Variants in CHSY3 observed in about 807,000 individuals in gnomAD.
CHSY3 encodes N-acetylgalactosaminyl-proteoglycan 3-beta-glucuronosyltransferase 3.
Under a neutral mutation model 67.2 loss-of-function variants are expected in CHSY3, and 35 were observed. That is an observed-to-expected ratio of 0.52 (90% CI 0.40 to 0.69). CHSY3 has a LOEUF of 0.69. Among genes scored for constraint, CHSY3 ranks in the 30% least tolerant of loss-of-function variants. CHSY3 has a pLI of 0.00. For synonymous variants in CHSY3, 474 were observed against 434.7 expected (o/e 1.09, Z -1.12); for missense variants, 1,069 against 1,138.5 (o/e 0.94, Z 0.88).
At chr5:130,183,882 TA>T (rs1370156217) in intron 2 of CHSY3, among the ~76,000 whole-genome samples, 2 of 151,818 alleles carry the variant, frequency 1.3e-5, no homozygotes, top group Non-Finnish European at 2.9e-5. Context: ...TTTAAAATGC[TA>T]AAAAAAGATG....
At chr5:130,034,275 C>T (rs577343545) in intron 2 of CHSY3, among the ~76,000 whole-genome samples, 1 of 151,916 alleles carries the variant, frequency 6.6e-6, no homozygotes, top group Middle Eastern at 3.4e-3. Flanking sequence ...TTCTAATAGG[C>T]TTTTAGCTAT....
At position 130,186,170 on chromosome 5, in the gene CHSY3, A is replaced by G. The variant is rs369922143; in HGVS notation, c.*379A>G. The G allele has an allele frequency of 1.3e-5, 2 of 153,404 alleles. No individual in the cohort carries two copies. The highest frequency in any genetic ancestry group is 6.5e-5 in the Admixed American group (1 of 15,290). The allele number at this position is 153,404 out of a possible 1,614,324, so 9.5% of individuals were successfully genotyped here. A position where few individuals can be genotyped will look rare whatever the true frequency, so the allele number is the denominator to read the frequency against. On this transcript the variant is annotated 3_prime_UTR_variant, in exon 3 of 3. Transcript: ENST00000305031. ...ACTTTTATTTGGTTTCTCAAATTCA[A>G]TGTGATACAAATATTTACTGGTGAA... is the stretch of plus-strand genomic sequence containing the variant.
chr5:130,054,022 A>G (rs1765450576), intron 2 of CHSY3, among the ~76,000 whole-genome samples: 1 of 152,110 alleles, frequency 6.6e-6, no homozygotes, highest in Admixed American at 6.5e-5. Context: ...CTTGCTTTAC[A>G]TGTCCTTATG....
At position 130,005,537 on chromosome 5, in the gene CHSY3, A is replaced by G. The variant is rs968492953; in HGVS notation, c.1086+97177A>G. Among the ~76,000 whole-genome samples, 3 of 152,158 alleles carry G rather than the reference A, an allele frequency of 2.0e-5. 1 individual carries two copies. Among genetic ancestry groups the G allele is most frequent in the African/African-American group, 7.2e-5 (3 of 41,448 alleles). On this transcript the variant is annotated intron_variant, in intron 2 of 2. Transcript: ENST00000305031. ...ATGACTCAATACAATACTGAGTTTC[A>G]GCTTAAGTTTATTTTAATAGTCTGA... is the stretch of plus-strand genomic sequence containing the variant.
intron 2 of CHSY3, among the ~76,000 whole-genome samples, chr5:130,099,033 A>T (rs900992359): frequency 6.6e-6 from 1 of 152,206 alleles, no homozygotes; most frequent in African/African-American, 2.4e-5. Flanking sequence ...AAGCATGCAG[A>T]TCCCAAAAGC....
At chr5:130,021,876 G>A (rs747470495) in intron 2 of CHSY3, among the ~76,000 whole-genome samples, 16 of 152,074 alleles carry the variant, frequency 1.1e-4, no homozygotes, top group Non-Finnish European at 2.2e-4. Flanking sequence ...AAAGGAGATA[G>A]TCATCATTTC....
At chr5:129,969,627 T>G (rs887013290) in intron 2 of CHSY3, among the ~76,000 whole-genome samples, 1 of 151,818 alleles carries the variant, frequency 6.6e-6, no homozygotes, top group African/African-American at 2.4e-5. Context: ...AAAGGATATG[T>G]GTGTAATTTC....
intron 2 of CHSY3, among the ~76,000 whole-genome samples, chr5:129,912,715 AGATCACAGTT>A (rs1760607725): frequency 6.6e-6 from 1 of 152,198 alleles, no homozygotes; most frequent in Non-Finnish European, 1.5e-5. Context: ...AGACCACAGT[AGATCACAGTT>A]AGGCCTCCAG....
At chr5:129,955,514 A>G (rs539368356) in intron 2 of CHSY3, among the ~76,000 whole-genome samples, 1 of 149,286 alleles carries the variant, frequency 6.7e-6, no homozygotes, top group South Asian at 2.1e-4. Flanking sequence ...ATATCTTAAG[A>G]TATATGTATT....
chr5:130,149,814 G>C (rs1769181491), intron 2 of CHSY3, among the ~76,000 whole-genome samples: 2 of 152,216 alleles, frequency 1.3e-5, no homozygotes, highest in Middle Eastern at 3.4e-3. Flanking sequence ...ACCAGTATCT[G>C]TATACAAGTT....
At chr5:130,050,629 A>G (rs1482999561) in intron 2 of CHSY3, among the ~76,000 whole-genome samples, 12 of 152,172 alleles carry the variant, frequency 7.9e-5, no homozygotes, top group Admixed American at 7.9e-4. Flanking sequence ...ACATGATATA[A>G]TGAAAAGAAC....
intron 2 of CHSY3, among the ~76,000 whole-genome samples, chr5:130,104,977 G>A (rs1469689057): frequency 6.6e-6 from 1 of 151,594 alleles, no homozygotes; most frequent in Non-Finnish European, 1.5e-5. Context: ...GAGACAGTTA[G>A]GGTTTGGGTT....
chr5:130,146,135 G>A (rs957195548), intron 2 of CHSY3, among the ~76,000 whole-genome samples: 1 of 151,880 alleles, frequency 6.6e-6, no homozygotes, highest in African/African-American at 2.4e-5. Flanking sequence ...GTATGTTGAA[G>A]ATATATCTAC....
chr5:129,915,676 A>G (rs1449017081), intron 2 of CHSY3, among the ~76,000 whole-genome samples: 2 of 152,154 alleles, frequency 1.3e-5, no homozygotes, highest in Non-Finnish European at 2.9e-5. Flanking sequence ...GTTTATTTGT[A>G]GAGTTTCTGT....
chr5:130,104,671 G>A (rs538175774), intron 2 of CHSY3, among the ~76,000 whole-genome samples: 4 of 151,886 alleles, frequency 2.6e-5, no homozygotes, highest in African/African-American at 9.6e-5. Context: ...TGTGAGACAA[G>A]TAGCGTAAGG....
chr5:129,979,156 C>T (rs1181492169), intron 2 of CHSY3, among the ~76,000 whole-genome samples: 5 of 135,932 alleles, frequency 3.7e-5, no homozygotes, highest in Admixed American at 8.2e-5. Flanking sequence ...GCAGAGATCG[C>T]GCCCCTGCAC....
intron 2 of CHSY3, among the ~76,000 whole-genome samples, chr5:129,918,737 C>T (rs1274108413): frequency 2.0e-5 from 3 of 151,812 alleles, no homozygotes; most frequent in Admixed American, 6.6e-5. Flanking sequence ...TAGTTAGAAT[C>T]CAATTGTGAA....
intron 2 of CHSY3, chr5:130,141,021 A>G: frequency 3.2e-6 from 1 of 314,282 alleles, no homozygotes; most frequent in Non-Finnish European, 5.0e-6. Context: ...CAGATCCATG[A>G]TATTGTCCTG....
intron 2 of CHSY3, among the ~76,000 whole-genome samples, chr5:130,072,731 A>G (rs1001390009): frequency 6.6e-6 from 1 of 152,120 alleles, no homozygotes; most frequent in Non-Finnish European, 1.5e-5. Flanking sequence ...ATGCATTGAA[A>G]TTGTAGCTTG....
Sources: gnomAD v4.1 joint callset for allele counts (sites outside exome capture counted in the v4.1 genomes callset) on GRCh38, gnomAD v4.1.1 for gene constraint, MANE v1.5 for transcripts, NCBI Gene and HGNC (gene_info 2026-07-23, HGNC 2026-07-21) for gene names.